The following SAMD11 variants were observed in gnomAD, a reference collection of about 807,000 sequenced individuals.
The protein encoded by SAMD11 is sterile alpha motif domain containing 11.
SAMD11 carries 77 observed loss-of-function variants against 64.4 expected under a neutral mutation model. That is an observed-to-expected ratio of 1.20 (90% CI 0.99 to 1.44). SAMD11 has a LOEUF of 1.44. Among genes scored for constraint, SAMD11 ranks in the 40% most tolerant of loss-of-function variants. The probability of loss-of-function intolerance (pLI) is 0.00; values close to 1 mark genes in which losing one functional copy is unlikely to be tolerated. For synonymous variants in SAMD11, 658 were observed against 421.9 expected, an observed-to-expected ratio of 1.56 and a Z score of -6.86; for missense variants, 1,402 against 943.3, an observed-to-expected ratio of 1.49 and a Z score of -6.37.
At position 925,952 on chromosome 1, in the gene SAMD11, G is replaced by A. The variant is rs1640863258; in HGVS notation, c.548G>A (p.Gly183Glu). The stretch of plus-strand genomic sequence containing the variant: ...AGTCTGAAGACGCTTATGTCCAAGG[G>A]GATCCTGCAGGTGCATCCTCCGATC... ...GKSLKTLMSK[G>E]ILQVHPPICD... The change falls in exon 2 of 14, where the codon GGG becomes GAG. Residue 183 changes from glycine to glutamate, a missense_variant. Coordinates refer to ENST00000616016, the MANE Select transcript of SAMD11 (RefSeq NM_001385641.1). The A allele has an allele frequency of 5.0e-6, 8 of 1,612,014 alleles. No homozygotes were observed. The highest frequency in any genetic ancestry group is 5.9e-6 in the Non-Finnish European group (7 of 1,179,918).
chr1:928,236 C>CA lies in SAMD11; in HGVS notation c.610-1913dup, dbSNP rs145649943. Among the ~76,000 whole-genome samples, 9 of 152,120 alleles carry CA rather than the reference C, an allele frequency of 5.9e-5. No homozygotes were observed. The East Asian group carries it at 1.6e-3, about 26-fold the overall frequency. On this transcript the variant is annotated intron_variant, in intron 2 of 13. Coordinates refer to ENST00000616016, the MANE Select transcript of SAMD11 (RefSeq NM_001385641.1). ...GTGAAACCCGTCTCTACTAAAAATA[C>CA]AAAAAATTAGCCGGGCGTGGTGGCG...
At position 942,403 on chromosome 1, in the gene SAMD11, C is replaced by G; in HGVS notation, c.1475-7C>G. 6.8e-7 allele frequency: 1 copy of G among 1,466,090 alleles called. No homozygotes were observed. Among genetic ancestry groups the G allele is most frequent in the Non-Finnish European group, 9.0e-7 (1 of 1,112,820 alleles). The allele number at this position is 1,466,090 out of a possible 1,614,324, so 90.8% of individuals were successfully genotyped here. On this transcript the variant is annotated splice_region_variant and splice_polypyrimidine_tract_variant and intron_variant, in intron 9 of 13. Transcript: ENST00000616016. ...CCCCGACCCCGCGTTGTCCCCCTCC[C>G]CACCAGGCTACGGCTTCCTGCCCCC... is the stretch of plus-strand genomic sequence containing the variant.
At chr1:933,397 T>G (rs1398725216) in intron 4 of SAMD11, among the ~76,000 whole-genome samples, 1 of 152,088 alleles carries the variant, frequency 6.6e-6, no homozygotes, top group Non-Finnish European at 1.5e-5. Flanking sequence ...CCCCACCAGG[T>G]GCCACTGCCC....
In SAMD11 at chr1:924,381, A is replaced by G. The variant is rs1453443289; in HGVS notation, c.-51A>G. ...CGACCCAACTCCAGCCCGGGCCGGA[A>G]TAAGTTGCTGCCGCCGGCGGAGAGC... is the stretch of plus-strand genomic sequence containing the variant. On this transcript the variant is annotated 5_prime_UTR_variant, in exon 1 of 14. Transcript: ENST00000616016. 1.3e-5 allele frequency: 2 copies of G among 149,152 alleles called. No homozygotes were observed. Among genetic ancestry groups the G allele is most frequent in the African/African-American group, 2.4e-5 (1 of 41,064 alleles). 9.2% of individuals were successfully genotyped at this position (149,152 alleles called of 1,614,324 possible).
intron 8 of SAMD11, 29 bp from the exon 9 acceptor site, chr1:942,107 G>T (rs772422539): frequency 2.9e-6 from 2 of 682,080 alleles, no homozygotes; most frequent in East Asian, 6.8e-5. Flanking sequence ...GGGCGGGGGG[G>T]ACGCCGCTCA....
At position 943,959 on chromosome 1, in the gene SAMD11, C is replaced by T. The variant is rs762794203; in HGVS notation, c.2341C>T (p.Leu781=). 3.1e-6 allele frequency: 5 copies of T among 1,612,668 alleles called. No homozygotes were observed. In the South Asian group the frequency reaches 4.4e-5, roughly 14 times the overall value. The change falls in exon 14 of 14, where the codon CTG becomes TTG. Residue 781 remains leucine (L), a synonymous_variant. Transcript: ENST00000616016. ...VFYVASFPVA[L]PLQPPTLRAP... is the part of the protein sequence containing the mutation. ...CTACGTGGCCAGCTTCCCCGTGGCT[C>T]TGCCACTGCAGCCACCAACCCTGCG... is the stretch of plus-strand genomic sequence containing the variant.
chr1:925,003 T>G, intron 1 of SAMD11, 55 bp downstream of exon 1: 1 of 149,356 alleles, frequency 6.7e-6, no homozygotes, highest in African/African-American at 2.5e-5. Context: ...CCCCACCCCC[T>G]ACCCGACTCG....
chr1:927,642 C>T (rs1294217649), intron 2 of SAMD11, among the ~76,000 whole-genome samples: 1 of 152,248 alleles, frequency 6.6e-6, no homozygotes, highest in Non-Finnish European at 1.5e-5. Context: ...CAGGCATGTG[C>T]ACCTCATGGT....
Position 944,011 on chromosome 1 carries a change from G to A in SAMD11, c.2393G>A (p.Gly798Glu), listed in dbSNP as rs369456516. The change falls in exon 14 of 14, where the codon GGA becomes GAA. Residue 798 changes from glycine to glutamate, a missense_variant. By Grantham distance (98) the Gly-to-Glu change is moderately conservative. Transcript: ENST00000616016. ...GCCCCGGAGCGAGAACTCGGCACAGGAGAGCAGCCCTTGTCCCCCACGACG... is the reference window on the plus strand; with the variant it reads ...GCCCCGGAGCGAGAACTCGGCACAGAAGAGCAGCCCTTGTCCCCCACGACG... Reference protein sequence around the residue: ...LRAPERELGTGEQPLSPTTAT... With the variant: ...LRAPERELGTEEQPLSPTTAT... The A allele has an allele frequency of 5.8e-5, 94 of 1,612,820 alleles. No homozygotes were observed. Among genetic ancestry groups the A allele is most frequent in the Non-Finnish European group, 3.7e-5 (44 of 1,180,034 alleles).
rs533632079 is a variant in SAMD11 at position 943,905 on chromosome 1, C to T, written c.2290-3C>T. The T allele has an allele frequency of 4.3e-6, 7 of 1,612,860 alleles. No homozygotes were observed. Among genetic ancestry groups the T allele is most frequent in the East Asian group, 2.2e-5 (1 of 44,866 alleles). ...CAGCCCCCACCAGGCCATCTCTCTG[C>T]AGGTGGCCAGGCGCCTGGGCCGAGT... is the stretch of plus-strand genomic sequence containing the variant. On this transcript the variant is annotated splice_polypyrimidine_tract_variant and splice_region_variant and intron_variant, in intron 13 of 13. Transcript: ENST00000616016.
intron 5 of SAMD11, among the ~76,000 whole-genome samples, chr1:936,380 A>G (rs1371354075): frequency 6.8e-6 from 1 of 147,502 alleles, no homozygotes; most frequent in Non-Finnish European, 1.5e-5. Context: ...TCCTGGACGG[A>G]AGGGGTCCCC....
At chr1:925,648 A>C in intron 1 of SAMD11, 1 of 357,842 alleles carries the variant, frequency 2.8e-6, no homozygotes, top group Non-Finnish European at 5.2e-6. Context: ...GGCCGGGGAG[A>C]GGGTGGAGCG....
intron 1 of SAMD11, chr1:925,264 T>C (rs1569855554): frequency 6.6e-6 from 1 of 151,092 alleles, no homozygotes; most frequent in South Asian, 2.0e-4. Flanking sequence ...AGGAGGCGGG[T>C]TGGGAGGGCG....
intron 7 of SAMD11, among the ~76,000 whole-genome samples, chr1:940,173 TTAA>T (rs1251289120): frequency 6.6e-6 from 1 of 152,102 alleles, no homozygotes; most frequent in African/African-American, 2.4e-5. Flanking sequence ...TCACCAAATG[TTAA>T]TAATGTAAAA....
chr1:937,167 C>T (rs757280261), intron 5 of SAMD11, among the ~76,000 whole-genome samples: 1 of 152,128 alleles, frequency 6.6e-6, no homozygotes, highest in African/African-American at 2.4e-5. Context: ...GGCATTCACC[C>T]TGGGGGGCGT....
Position 942,578 on chromosome 1 carries a change from C to T in SAMD11, c.1573C>T (p.Leu525Phe), listed in dbSNP as rs897255618. Residue 525 changes from leucine (L) to phenylalanine (F), a missense_variant, in exon 11 of 14, where the codon CTC (leucine) becomes TTC (phenylalanine). Leu to Phe is a conservative substitution (Grantham distance 22). Coordinates refer to ENST00000616016, the MANE Select transcript of SAMD11 (RefSeq NM_001385641.1). ...NLARLELPAD[L>F]LRQKELESAR... ...GCCCAGGCTGGAGCTGCCCGCCGAC[C>T]TCCTGCGGCAGAAGGAGCTGGAGAG... 8.5e-6 allele frequency: 12 copies of T among 1,411,162 alleles called. No individual in the cohort carries two copies. The highest frequency in any genetic ancestry group is 4.5e-5 in the African/African-American group (3 of 66,188). The allele number at this position is 1,411,162 out of a possible 1,614,324, so 87.4% of individuals were successfully genotyped here.
chr1:939,292 C>A lies in SAMD11; in HGVS notation c.1075C>A (p.Arg359=), dbSNP rs761838880. ...ESPQEALLLP[R]ELGPSMAPED... ...CCCAGCAGAGGCGCTGCTGCTGCCG[C>A]GGGAGCTGGGGCCCAGCATGGCCCC... The change falls in exon 7 of 14, where the codon CGG becomes AGG. Residue 359 remains arginine (R), a synonymous_variant. Transcript: ENST00000616016. 3 of 1,607,428 alleles carry A rather than the reference C, an allele frequency of 1.9e-6. No homozygotes were observed. In the Admixed American group the frequency reaches 5.0e-5, roughly 27 times the overall value.
rs374426973 is a variant in SAMD11 at position 943,996 on chromosome 1, G to C, written c.2378G>C (p.Arg793Pro). 110 of 1,612,728 alleles carry C rather than the reference G, an allele frequency of 6.8e-5. No homozygotes were observed. The East Asian group carries it at 1.9e-3, about 28-fold the overall frequency. Reference protein sequence around the residue: ...LQPPTLRAPERELGTGEQPLS... With the variant: ...LQPPTLRAPEPELGTGEQPLS... Reference sequence around the variant, plus strand: ...CCACCAACCCTGCGGGCCCCGGAGCGAGAACTCGGCACAGGAGAGCAGCCC... The same window carrying C: ...CCACCAACCCTGCGGGCCCCGGAGCCAGAACTCGGCACAGGAGAGCAGCCC... Residue 793 changes from arginine (R) to proline (P), a missense_variant, in exon 14 of 14, where the codon CGA (arginine) becomes CCA (proline). Coordinates refer to ENST00000616016, the MANE Select transcript of SAMD11 (RefSeq NM_001385641.1).
chr1:937,364 C>T (rs1183811496), intron 5 of SAMD11, among the ~76,000 whole-genome samples: 2 of 151,714 alleles, frequency 1.3e-5, no homozygotes, highest in African/African-American at 4.9e-5. Context: ...CATCGGCCTT[C>T]CTGCGGTCTC....
Sources: gnomAD v4.1 joint callset for allele counts (sites outside exome capture counted in the v4.1 genomes callset) on GRCh38, gnomAD v4.1.1 for gene constraint, MANE v1.5 for transcripts, NCBI Gene and HGNC (gene_info 2026-07-23, HGNC 2026-07-21) for gene names.